NPTXR: variants seen among roughly 807,000 people sequenced by gnomAD.
NPTXR encodes the protein neuronal pentraxin receptor.
Under a neutral mutation model 32.2 loss-of-function variants are expected in NPTXR, and 12 were observed. The ratio of observed to expected loss-of-function variants is 0.37; its 90% CI spans 0.24 to 0.60. The LOEUF is 0.60. NPTXR is among the 20% of genes least tolerant of loss of function. The pLI is 0.66. For missense variants in NPTXR, 612 were observed against 682.9 expected, an observed-to-expected ratio of 0.90 and a Z score of 1.16; for synonymous variants, 323 against 315.8, an observed-to-expected ratio of 1.02 and a Z score of -0.24.
intron 2 of NPTXR, among the ~76,000 whole-genome samples, chr22:38,826,956 C>T (rs542293323): frequency 6.6e-5 from 10 of 152,298 alleles, no homozygotes; most frequent in Non-Finnish European, 1.5e-4. Flanking sequence ...GACCAAATCT[C>T]GTCTCCCCCA....
At chr22:38,822,947 C>T in intron 4 of NPTXR, 114 bp from the exon 5 acceptor site, 2 of 1,428,904 alleles carry the variant, frequency 1.4e-6, no homozygotes, top group Non-Finnish European at 1.9e-6. Context: ...TTCAACCCCA[C>T]TGAAGCCCCA....
chr22:38,841,325 G>T (rs1204964319), intron 1 of NPTXR, among the ~76,000 whole-genome samples: 1 of 152,260 alleles, frequency 6.6e-6, no homozygotes, highest in East Asian at 1.9e-4. Flanking sequence ...GGAAGCCAGG[G>T]CTCCCCCAGC....
rs61737783 is a variant in NPTXR, at chr22:38,822,759, G to A, written c.1353C>T (p.His451=). 3,680 of 1,614,174 alleles carry A rather than the reference G, an allele frequency of 2.3e-3. 65 individuals are homozygous for A. In the African/African-American group the frequency reaches 0.041, roughly 18 times the overall value. ...CCAGGACCTGGGCTGGTGTCAGGGC[G>A]TGGTCCCACAGGTTAAACTGGGCAA... is the stretch of plus-strand genomic sequence containing the variant. The change falls in exon 5 of 5, where the codon CAC becomes CAT. Residue 451 remains histidine, a synonymous_variant. Coordinates refer to ENST00000333039, the MANE Select transcript of NPTXR (RefSeq NM_014293.4).
At chr22:38,841,908 G>A (rs893803332) in intron 1 of NPTXR, among the ~76,000 whole-genome samples, 1 of 152,188 alleles carries the variant, frequency 6.6e-6, no homozygotes, top group Non-Finnish European at 1.5e-5. Flanking sequence ...GGGAAGAGGT[G>A]GGTATGGGCC....
At chr22:38,836,411 C>A (rs2093124016) in intron 1 of NPTXR, among the ~76,000 whole-genome samples, 1 of 152,246 alleles carries the variant, frequency 6.6e-6, no homozygotes, top group Non-Finnish European at 1.5e-5. Flanking sequence ...CAACGGAACA[C>A]CACACGGCAA....
Position 38,828,503 on chromosome 22 carries a change from G to A in NPTXR, c.634C>T (p.Pro212Ser), listed in dbSNP as rs755919030. The change falls in exon 2 of 5, where the codon CCA becomes TCA. Residue 212 changes from proline to serine, a missense_variant. Coordinates refer to ENST00000333039, the MANE Select transcript of NPTXR (RefSeq NM_014293.4). ...GCAGCTGAGAGGTTCACACGGGCTG[G>A]AAGCTCCTGCTGTTCACAGGGCAGA... 1.9e-6 allele frequency: 3 copies of A among 1,597,466 alleles called. No homozygotes were observed. In the East Asian group the frequency reaches 6.8e-5, roughly 36 times the overall value.
intron 1 of NPTXR, among the ~76,000 whole-genome samples, chr22:38,841,131 G>A (rs1372428673): frequency 1.3e-5 from 2 of 152,208 alleles, no homozygotes; most frequent in Non-Finnish European, 1.5e-5. Context: ...GGACTCCGCT[G>A]AGCCAAGTGG....
intron 3 of NPTXR, 129 bp downstream of exon 3, chr22:38,826,371 A>C: frequency 8.9e-7 from 1 of 1,121,540 alleles, no homozygotes; most frequent in Non-Finnish European, 1.3e-6. Flanking sequence ...AGCACACGGT[A>C]GGTACTTAAT....
At chr22:38,832,967 C>T (rs1484000526) in intron 1 of NPTXR, among the ~76,000 whole-genome samples, 3 of 152,218 alleles carry the variant, frequency 2.0e-5, no homozygotes, top group Non-Finnish European at 4.4e-5. Flanking sequence ...CGTGGGGTGG[C>T]TGAGGCTGGG....
At chr22:38,835,331 C>T (rs780541616) in intron 1 of NPTXR, among the ~76,000 whole-genome samples, 1 of 152,202 alleles carries the variant, frequency 6.6e-6, no homozygotes, top group Non-Finnish European at 1.5e-5. Context: ...ATACTGCCAC[C>T]CTGCCTTCCT....
intron 1 of NPTXR, among the ~76,000 whole-genome samples, chr22:38,831,529 A>T (rs1439797143): frequency 6.6e-6 from 1 of 152,168 alleles, no homozygotes; most frequent in Non-Finnish European, 1.5e-5. Context: ...GCTTGACTAC[A>T]TTAGCTGATG....
rs10566825 is a variant in NPTXR, at chr22:38,822,060, TGGG to T, written c.*546_*548del. On this transcript the variant is annotated 3_prime_UTR_variant, in exon 5 of 5. Coordinates refer to ENST00000333039, the MANE Select transcript of NPTXR (RefSeq NM_014293.4). ...AAGAGGAGGAAGAGGGAGGCATGGG[TGGG>T]GGGGGGGGGAGGCTCCATCGAGATC... The T allele has an allele frequency of 3.1e-3, 264 of 84,366 alleles. 6 individuals are homozygous for T. Among genetic ancestry groups the T allele is most frequent in the African/African-American group, 7.2e-3 (151 of 20,928 alleles). The allele number at this position is 84,366 out of a possible 1,614,324, so 5.2% of individuals were successfully genotyped here. A position where few individuals can be genotyped will look rare whatever the true frequency, so the allele number is the denominator to read the frequency against.
At chr22:38,842,237 G>A (rs564624517) in intron 1 of NPTXR, among the ~76,000 whole-genome samples, 2 of 152,360 alleles carry the variant, frequency 1.3e-5, no homozygotes, top group South Asian at 2.1e-4. Flanking sequence ...GGTAGCAGAG[G>A]GGGCAGCGCG....
intron 1 of NPTXR, among the ~76,000 whole-genome samples, chr22:38,836,474 G>A (rs1007221199): frequency 1.2e-4 from 18 of 152,236 alleles, no homozygotes; most frequent in African/African-American, 2.9e-4. Context: ...TGCCACAGAC[G>A]TGACATTGAA....
At position 38,821,588 on chromosome 22, in the gene NPTXR, G is replaced by C. The variant is rs113698946; in HGVS notation, c.*1021C>G. The C allele has an allele frequency of 0.012, 1,809 of 152,650 alleles. 30 individuals carry two copies. Among genetic ancestry groups the C allele is most frequent in the African/African-American group, 0.041 (1,711 of 41,578 alleles). The allele number at this position is 152,650 out of a possible 1,614,324, so 9.5% of individuals were successfully genotyped here. A position where few individuals can be genotyped will look rare whatever the true frequency, so the allele number is the denominator to read the frequency against. ...GGAAGGCCAGGCCCAGAGAGGGCAG[G>C]GACTTACAGAAGGCCACACAGCACA... is the stretch of plus-strand genomic sequence containing the variant. On this transcript the variant is annotated 3_prime_UTR_variant, in exon 5 of 5. Transcript: ENST00000333039.
At chr22:38,828,194 G>T in intron 2 of NPTXR, 93 bp downstream of exon 2, 2 of 991,968 alleles carry the variant, frequency 2.0e-6, no homozygotes, top group South Asian at 1.4e-5. Context: ...CCAGTCTGTC[G>T]ATGTTAGCCT....
Position 38,834,137 on chromosome 22 carries a change from C to T in NPTXR, c.625-5625G>A, listed in dbSNP as rs1300900507. Among the ~76,000 whole-genome samples the T allele has an allele frequency of 6.6e-6, 1 of 152,114 alleles. No individual in the cohort carries two copies. Among genetic ancestry groups the T allele is most frequent in the Non-Finnish European group, 1.5e-5 (1 of 68,026 alleles). ...AATGCTTGAATCTAAACCTGCGTCT[C>T]GCCCAGAGCTTCACTCAGCTCCTAG... On this transcript the variant is annotated intron_variant, in intron 1 of 4. Transcript: ENST00000333039. This position sits in a 1 kb window ranked among gnomAD's most constrained non-coding sequence, Gnocchi z 4.4.
chr22:38,829,720 A>G (rs1299335486), intron 1 of NPTXR, among the ~76,000 whole-genome samples: 2 of 152,190 alleles, frequency 1.3e-5, no homozygotes, highest in African/African-American at 2.4e-5. Context: ...TCTGTGATTC[A>G]GTCACTGAGC....
At chr22:38,842,536 G>T (rs2093133059) in intron 1 of NPTXR, among the ~76,000 whole-genome samples, 1 of 152,216 alleles carries the variant, frequency 6.6e-6, no homozygotes, top group African/African-American at 2.4e-5. Flanking sequence ...CCTGAGTCAG[G>T]AAAGCCTGGA....
Sources: allele counts gnomAD v4.1 joint callset (sites outside exome capture counted in the v4.1 genomes callset), GRCh38; gene constraint gnomAD v4.1.1; non-coding constraint Gnocchi (gnomAD v3.1); transcripts MANE v1.5; gene names NCBI Gene and HGNC (gene_info 2026-07-23, HGNC 2026-07-21).